Variants in LYPD6 observed in about 807,000 individuals in gnomAD.
LYPD6 encodes ly6/PLAUR domain-containing protein 6.
Under a neutral mutation model 22.7 loss-of-function variants are expected in LYPD6, and 15 were observed. That is an observed-to-expected ratio of 0.66 (90% CI 0.44 to 1.02). The LOEUF (loss-of-function observed/expected upper bound fraction) is 1.02. Among genes scored for constraint, LYPD6 ranks in the 50% least tolerant of loss-of-function variants. The pLI, the probability that LYPD6 is intolerant of heterozygous loss-of-function variation, is 0.00. For missense variants in LYPD6, 189 were observed against 208.4 expected (o/e 0.91, Z 0.57); for synonymous variants, 72 against 77.5 (o/e 0.93, Z 0.37).
intron 1 of LYPD6, among the ~76,000 whole-genome samples, chr2:149,404,318 T>G (rs1176249258): frequency 6.6e-6 from 1 of 152,224 alleles, no homozygotes; most frequent in Non-Finnish European, 1.5e-5. Flanking sequence ...ATAAATTACC[T>G]TGGGCAGTAT....
intron 1 of LYPD6, among the ~76,000 whole-genome samples, chr2:149,344,848 A>T (rs1166166044): frequency 1.3e-5 from 2 of 152,162 alleles, no homozygotes; most frequent in African/African-American, 4.8e-5. Context: ...ATGTTTTTTA[A>T]AGTGAGGGAA....
chr2:149,336,866 A>AT (rs1553513638), intron 1 of LYPD6, among the ~76,000 whole-genome samples: 18 of 151,530 alleles, frequency 1.2e-4, no homozygotes, highest in Non-Finnish European at 4.4e-5. Flanking sequence ...GTAGTTGAAA[A>AT]TTTTTTTGCC....
In LYPD6 at chr2:149,432,679, G is replaced by A. The variant is rs965362096; in HGVS notation, c.-71-4959G>A. On this transcript the variant is annotated intron_variant, in intron 1 of 4. Transcript: ENST00000334166. ...GAGCAGCATAGTACCCTATGAGCAC[G>A]TTGCCTCCTGTTTTCTAGATTTATT... Among the ~76,000 whole-genome samples, 12 of 152,262 alleles carry A rather than the reference G, an allele frequency of 7.9e-5. No individual in the cohort carries two copies. In the East Asian group the frequency reaches 1.5e-3, roughly 20 times the overall value.
At chr2:149,371,204 C>G (rs969958013) in intron 1 of LYPD6, among the ~76,000 whole-genome samples, 6 of 152,146 alleles carry the variant, frequency 3.9e-5, no homozygotes, top group Non-Finnish European at 8.8e-5. Flanking sequence ...GGGCTGGGAT[C>G]CTGTGCAAGA....
intron 1 of LYPD6, among the ~76,000 whole-genome samples, chr2:149,420,991 A>G (rs1295412614): frequency 6.6e-6 from 1 of 152,304 alleles, no homozygotes; most frequent in Non-Finnish European, 1.5e-5. Context: ...ATCCCATAGC[A>G]GTGAAATGGT....
chr2:149,382,900 T>G (rs1408192084), intron 1 of LYPD6, among the ~76,000 whole-genome samples: 1 of 152,156 alleles, frequency 6.6e-6, no homozygotes, highest in Non-Finnish European at 1.5e-5. Context: ...TTTGCCTGGA[T>G]AAAAGGCAAT....
intron 1 of LYPD6, among the ~76,000 whole-genome samples, chr2:149,345,419 G>A (rs568146443): frequency 1.3e-5 from 2 of 150,032 alleles, no homozygotes; most frequent in Non-Finnish European, 3.0e-5. Context: ...CCATTCCCTG[G>A]CCTCAGCCTC....
At position 149,337,631 on chromosome 2, in the gene LYPD6, T is replaced by TAA. The variant is rs112491538; in HGVS notation, c.-72+6918_-72+6919dup. ...AATCCCAGTTAGCTCTGGCCCCCTT[T>TAA]AAAAAAAAAACTTATATTTTAGGTT... On this transcript the variant is annotated intron_variant, in intron 1 of 4. Transcript: ENST00000334166. Among the ~76,000 whole-genome samples the TAA allele has an allele frequency of 7.1e-4, 107 of 149,876 alleles. No homozygotes were observed. In the East Asian group the frequency reaches 8.2e-3, roughly 11 times the overall value.
intron 3 of LYPD6, chr2:149,464,476 GT>G (rs943192017): frequency 1.2e-5 from 2 of 164,946 alleles, no homozygotes; most frequent in African/African-American, 4.8e-5. Flanking sequence ...AAGGAGAACC[GT>G]GAGTAATGAG....
chr2:149,372,289 CCT>C (rs1205676513), intron 1 of LYPD6, among the ~76,000 whole-genome samples: 2 of 152,130 alleles, frequency 1.3e-5, no homozygotes, highest in Admixed American at 1.3e-4. Flanking sequence ...AAGTCCCGTT[CCT>C]CTCTTAAGAC....
At chr2:149,448,205 A>G (rs566830498) in intron 2 of LYPD6, among the ~76,000 whole-genome samples, 32 of 152,352 alleles carry the variant, frequency 2.1e-4, no homozygotes, top group African/African-American at 7.7e-4. Flanking sequence ...AGGCAGGAGA[A>G]TCACTTGAAC....
chr2:149,339,534 A>G (rs1448802848), intron 1 of LYPD6, among the ~76,000 whole-genome samples: 1 of 152,182 alleles, frequency 6.6e-6, no homozygotes, highest in African/African-American at 2.4e-5. Context: ...TGTTACTATG[A>G]CGTTTTTACT....
intron 1 of LYPD6, among the ~76,000 whole-genome samples, chr2:149,362,682 G>A (rs538987588): frequency 1.6e-4 from 25 of 152,240 alleles, no homozygotes; most frequent in Admixed American, 1.4e-3. Context: ...GCAGAAGGTA[G>A]AAGGGAAGGA....
chr2:149,409,167 G>GT (rs919164750), intron 1 of LYPD6, among the ~76,000 whole-genome samples: 6 of 152,270 alleles, frequency 3.9e-5, no homozygotes, highest in Non-Finnish European at 7.3e-5. Context: ...TGTAGTAAAT[G>GT]TTTTTTCTCT....
intron 1 of LYPD6, among the ~76,000 whole-genome samples, chr2:149,361,573 G>T (rs1198780294): frequency 1.3e-5 from 2 of 152,164 alleles, no homozygotes; most frequent in Non-Finnish European, 2.9e-5. Flanking sequence ...GTTACCCACA[G>T]AGCACTTTGT....
intron 1 of LYPD6, among the ~76,000 whole-genome samples, chr2:149,377,930 A>G (rs926645305): frequency 6.6e-6 from 1 of 151,920 alleles, no homozygotes; most frequent in Non-Finnish European, 1.5e-5. Context: ...CAAATATACC[A>G]TCTCCAATGT....
chr2:149,464,958 A>G (rs1681168600), intron 3 of LYPD6, among the ~76,000 whole-genome samples: 1 of 152,074 alleles, frequency 6.6e-6, no homozygotes, highest in South Asian at 2.1e-4. Context: ...GGAGGGAGAT[A>G]ATGCGTTGGG....
At chr2:149,431,928 G>A (rs1683322710) in intron 1 of LYPD6, among the ~76,000 whole-genome samples, 2 of 152,136 alleles carry the variant, frequency 1.3e-5, no homozygotes, top group East Asian at 1.9e-4. Flanking sequence ...ATAATATTCA[G>A]GCAAAATATT....
intron 1 of LYPD6, among the ~76,000 whole-genome samples, chr2:149,385,494 T>C (rs911488409): frequency 6.6e-6 from 1 of 152,216 alleles, no homozygotes; most frequent in African/African-American, 2.4e-5. Context: ...TGTATAGGGC[T>C]ACCTTGGTGA....
Sources: allele counts gnomAD v4.1 joint callset (sites outside exome capture counted in the v4.1 genomes callset), GRCh38; gene constraint gnomAD v4.1.1; transcripts MANE v1.5; gene names NCBI Gene and HGNC (gene_info 2026-07-23, HGNC 2026-07-21).